The following CACNA1E variants were observed in gnomAD, a reference collection of about 807,000 sequenced individuals.
The protein encoded by CACNA1E is voltage-dependent R-type calcium channel subunit alpha-1E.
In CACNA1E, 40 loss-of-function variants were observed where a neutral mutation model predicts 259.2. The observed-to-expected ratio is 0.15, with a 90% CI of 0.12 to 0.20. CACNA1E has a LOEUF of 0.20. CACNA1E is among the 10% of genes least tolerant of loss of function. The probability of loss-of-function intolerance (pLI) is 1.00; values close to 1 mark genes in which losing one functional copy is unlikely to be tolerated. For synonymous variants in CACNA1E, 1,104 were observed against 1,138.5 expected, an observed-to-expected ratio of 0.97 and a Z score of 0.61; for missense variants, 1,874 against 3,040.1, an observed-to-expected ratio of 0.62 and a Z score of 9.02.
chr1:181,717,658 A>G (rs1654030502), intron 11 of CACNA1E, among the ~76,000 whole-genome samples: 1 of 152,142 alleles, frequency 6.6e-6, no homozygotes, highest in South Asian at 2.1e-4. Context: ...ATAGACCAGA[A>G]GAAGAGCTTA....
rs953553880 is a variant in CACNA1E, at chr1:181,501,086, T to C, written c.267-9391T>C. 1.8e-4 allele frequency among the ~76,000 whole-genome samples: 27 copies of C among 152,382 alleles called. No homozygotes were observed. In the East Asian group the frequency reaches 3.7e-3, roughly 21 times the overall value. On this transcript the variant is annotated intron_variant, in intron 1 of 47. Coordinates refer to ENST00000367573, the MANE Select transcript of CACNA1E (RefSeq NM_001205293.3). ...TAATTTTCCCACTGCTGTTTTGTTTTCTTCCAGAGGCTTTTAATGCTCCCC... is the reference window on the plus strand; with the variant it reads ...TAATTTTCCCACTGCTGTTTTGTTTCCTTCCAGAGGCTTTTAATGCTCCCC...
intron 25 of CACNA1E, among the ~76,000 whole-genome samples, chr1:181,745,136 A>C (rs568526075): frequency 6.6e-6 from 1 of 152,116 alleles, no homozygotes; most frequent in Admixed American, 6.5e-5. Context: ...ACATGGAGGG[A>C]GTGAGTGTCT....
chr1:181,470,388 ATTCTCTATG>A (rs564093865), intron 2 of CACNA1E, among the ~76,000 whole-genome samples: 35 of 152,050 alleles, frequency 2.3e-4, no homozygotes, highest in African/African-American at 4.6e-4. Flanking sequence ...GTAGAGGCAG[ATTCTCTATG>A]TTCTCTATGT....
chr1:181,663,579 C>G (rs1433902903), intron 7 of CACNA1E, among the ~76,000 whole-genome samples: 1 of 152,202 alleles, frequency 6.6e-6, no homozygotes, highest in Non-Finnish European at 1.5e-5. Context: ...TTAGGGAATG[C>G]CATGCCCCCC....
chr1:181,738,551 GC>G, intron 24 of CACNA1E, 125 bp downstream of exon 24: 1 of 758,070 alleles, frequency 1.3e-6, no homozygotes, highest in Non-Finnish European at 2.3e-6. Context: ...TAGAGCTTCT[GC>G]CGCCCCTTCT....
intron 2 of CACNA1E, among the ~76,000 whole-genome samples, chr1:181,418,529 C>T (rs1255440883): frequency 1.3e-5 from 2 of 152,196 alleles, no homozygotes; most frequent in Non-Finnish European, 2.9e-5. Flanking sequence ...CTCAGGACCT[C>T]TTCCCTGAAT....
At chr1:181,329,917 A>G (rs984928929) in intron 1 of CACNA1E, among the ~76,000 whole-genome samples, 39 of 152,174 alleles carry the variant, frequency 2.6e-4, no homozygotes, top group Admixed American at 1.8e-3. Flanking sequence ...CAGCATATCA[A>G]TCACTGTTGG....
intron 3 of CACNA1E, among the ~76,000 whole-genome samples, chr1:181,577,025 A>G (rs1055693925): frequency 6.6e-6 from 1 of 152,192 alleles, no homozygotes; most frequent in Admixed American, 6.5e-5. Context: ...TTTCATAAAT[A>G]CATATATGTC....
At chr1:181,422,953 CA>C (rs1031801581) in intron 2 of CACNA1E, among the ~76,000 whole-genome samples, 1 of 152,128 alleles carries the variant, frequency 6.6e-6, no homozygotes, top group African/African-American at 2.4e-5. Flanking sequence ...GAACCAAAAA[CA>C]TTGATGCAAC....
chr1:181,366,920 A>T (rs1169550415), intron 1 of CACNA1E, among the ~76,000 whole-genome samples: 2 of 152,162 alleles, frequency 1.3e-5, no homozygotes, highest in Non-Finnish European at 2.9e-5. Flanking sequence ...TTTCCATTTC[A>T]TAAGTAAAGG....
At position 181,732,501 on chromosome 1, in the gene CACNA1E, GAACCCGCTCAACCCCCTC is replaced by G. The variant is rs1411891955; in HGVS notation, c.2426_2443del (p.Asn809_Leu814del). ...TCAACAGAGAGGAGGCGCCGACCAT[GAACCCGCTCAACCCCCTC>G]AACCCGCTCAGCTCCCTCAACCCGC... On this transcript the variant is annotated inframe_deletion, in exon 20 of 48. Coordinates refer to ENST00000367573, the MANE Select transcript of CACNA1E (RefSeq NM_001205293.3). The surrounding 1 kb of genome is among the most constrained non-coding windows in gnomAD (Gnocchi z 5.5). The G allele has an allele frequency of 3.7e-5, 58 of 1,551,402 alleles. No homozygotes were observed. Among genetic ancestry groups the G allele is most frequent in the Non-Finnish European group, 4.2e-5 (48 of 1,146,910 alleles).
intron 1 of CACNA1E, among the ~76,000 whole-genome samples, chr1:181,486,672 GATA>G (rs1195273703): frequency 6.6e-6 from 1 of 152,056 alleles, no homozygotes; most frequent in Admixed American, 6.5e-5. Context: ...GTTAAATGAG[GATA>G]ATAATAATAA....
intron 6 of CACNA1E, among the ~76,000 whole-genome samples, chr1:181,623,156 A>G (rs143463179): frequency 6.6e-6 from 1 of 152,310 alleles, no homozygotes; most frequent in Non-Finnish European, 1.5e-5. Context: ...GCAACCCCTC[A>G]GTTAAAATCG....
At chr1:181,420,653 C>T (rs1293764347) in intron 2 of CACNA1E, among the ~76,000 whole-genome samples, 1 of 152,096 alleles carries the variant, frequency 6.6e-6, no homozygotes, top group East Asian at 1.9e-4. Context: ...TGAGCACTGG[C>T]TATATGGTAG....
At chr1:181,464,809 T>C (rs1662052738) in intron 2 of CACNA1E, among the ~76,000 whole-genome samples, 1 of 152,182 alleles carries the variant, frequency 6.6e-6, no homozygotes, top group African/African-American at 2.4e-5. Flanking sequence ...TACAGCTATG[T>C]CTTGACTTAG....
intron 2 of CACNA1E, among the ~76,000 whole-genome samples, chr1:181,436,514 T>C (rs1260191272): frequency 2.0e-5 from 3 of 152,236 alleles, no homozygotes; most frequent in Non-Finnish European, 2.9e-5. Flanking sequence ...GTATACACAA[T>C]GAAATACTTT....
At chr1:181,547,099 G>C (rs1021161576) in intron 3 of CACNA1E, among the ~76,000 whole-genome samples, 2 of 152,130 alleles carry the variant, frequency 1.3e-5, no homozygotes, top group African/African-American at 4.8e-5. Flanking sequence ...CCCTTCTACA[G>C]CAAGGCACAT....
chr1:181,721,076 C>T (rs1412907058), intron 15 of CACNA1E, among the ~76,000 whole-genome samples: 1 of 152,224 alleles, frequency 6.6e-6, no homozygotes, highest in Non-Finnish European at 1.5e-5. Context: ...GGGACCATCT[C>T]ACTGTCCTTC....
At chr1:181,356,991 G>A (rs911585598) in intron 1 of CACNA1E, among the ~76,000 whole-genome samples, 2 of 152,120 alleles carry the variant, frequency 1.3e-5, no homozygotes, top group South Asian at 4.1e-4. Flanking sequence ...GGTAAACGAC[G>A]GTTCATTTCT....
Sources: gnomAD v4.1 joint callset for allele counts (sites outside exome capture counted in the v4.1 genomes callset) on GRCh38, gnomAD v4.1.1 for gene constraint, Gnocchi (gnomAD v3.1) non-coding constraint, MANE v1.5 for transcripts, NCBI Gene and HGNC (gene_info 2026-07-23, HGNC 2026-07-21) for gene names.